The following ENOX1 variants were observed in gnomAD, a reference collection of about 807,000 sequenced individuals.
The protein encoded by ENOX1 is candidate growth-related and time keeping constitutive hydroquinone (NADH) oxidase.
A neutral mutation model predicts 82.5 loss-of-function variants in ENOX1; 42 were observed. The observed-to-expected ratio is 0.51, with a 90% CI of 0.40 to 0.66. ENOX1 has a LOEUF of 0.66. Ranked by LOEUF, ENOX1 falls within the 30% of genes least tolerant of loss-of-function variation. The pLI is 0.00. For missense variants in ENOX1, 608 were observed against 811.6 expected, an observed-to-expected ratio of 0.75 and a Z score of 3.05; for synonymous variants, 271 against 282.2, an observed-to-expected ratio of 0.96 and a Z score of 0.40.
At chr13:43,217,196 G>A (rs955857670) in intron 16 of ENOX1, among the ~76,000 whole-genome samples, 4 of 152,178 alleles carry the variant, frequency 2.6e-5, no homozygotes, top group African/African-American at 9.7e-5. Flanking sequence ...GGCCCTGGGT[G>A]GGTGTGGATG....
intron 9 of ENOX1, among the ~76,000 whole-genome samples, chr13:43,328,232 A>C (rs2048226396): frequency 6.6e-6 from 1 of 152,206 alleles, no homozygotes; most frequent in South Asian, 2.1e-4. Flanking sequence ...AACCTGTTCC[A>C]GTGGATCACC....
At chr13:43,561,291 C>G (rs4942239) in intron 2 of ENOX1, among the ~76,000 whole-genome samples, 72,718 of 151,938 alleles carry the variant, frequency 0.48, 18,909 homozygotes, top group Non-Finnish European at 0.6. Flanking sequence ...GCACAGCCGA[C>G]AAAGCTCCCT....
At position 43,222,380 on chromosome 13, in the gene ENOX1, TACAC is replaced by T. The variant is rs35476412; in HGVS notation, c.1800+1669_1800+1672del. Among the ~76,000 whole-genome samples the T allele has an allele frequency of 3.5e-3, 516 of 149,176 alleles. 2 individuals carry two copies. Among genetic ancestry groups the T allele is most frequent in the African/African-American group, 0.012 (478 of 40,660 alleles). Reference sequence around the variant, plus strand: ...CCTGCCCATTCCCAGGAGATGATTTTACACACACACACACACACACACACGCAGG... The same window carrying T: ...CCTGCCCATTCCCAGGAGATGATTTTACACACACACACACACACACGCAGG... On this transcript the variant is annotated intron_variant, in intron 16 of 16. Coordinates refer to ENST00000690772, the MANE Select transcript of ENOX1 (RefSeq NM_001347969.2).
At chr13:43,354,470 T>C (rs1247450993) in intron 8 of ENOX1, among the ~76,000 whole-genome samples, 3 of 110,758 alleles carry the variant, frequency 2.7e-5, no homozygotes, top group Non-Finnish European at 5.1e-5. Flanking sequence ...CGCTGCCACC[T>C]TTTTTTTTTT....
chr13:43,729,212 T>C (rs529128889), intron 1 of ENOX1, among the ~76,000 whole-genome samples: 2 of 152,332 alleles, frequency 1.3e-5, no homozygotes, highest in Non-Finnish European at 2.9e-5. Flanking sequence ...ACTCTGGATG[T>C]AATTATATAT....
At chr13:43,705,797 A>G (rs2087240896) in intron 1 of ENOX1, among the ~76,000 whole-genome samples, 2 of 152,150 alleles carry the variant, frequency 1.3e-5, no homozygotes, top group Non-Finnish European at 2.9e-5. Context: ...AGATTTGAAC[A>G]TTATCAGTGA....
chr13:43,562,944 C>T (rs2079748149), intron 2 of ENOX1, among the ~76,000 whole-genome samples: 1 of 152,104 alleles, frequency 6.6e-6, no homozygotes. Context: ...TCACTGGAGA[C>T]TTCAACACCC....
intron 1 of ENOX1, among the ~76,000 whole-genome samples, chr13:43,712,424 T>C (rs1251698006): frequency 4.6e-5 from 7 of 152,156 alleles, no homozygotes; most frequent in Non-Finnish European, 1.0e-4. Flanking sequence ...TGGTTCCATA[T>C]GAACTTTAGT....
intron 3 of ENOX1, among the ~76,000 whole-genome samples, chr13:43,436,687 T>A (rs1226869665): frequency 6.6e-6 from 1 of 152,170 alleles, no homozygotes; most frequent in Non-Finnish European, 1.5e-5. Flanking sequence ...AGCTTGGAGT[T>A]CATAATATTA....
At chr13:43,430,739 C>A (rs2055605755) in intron 3 of ENOX1, among the ~76,000 whole-genome samples, 1 of 152,186 alleles carries the variant, frequency 6.6e-6, no homozygotes, top group Non-Finnish European at 1.5e-5. Flanking sequence ...AAAAACACTA[C>A]AATTTAATAG....
intron 11 of ENOX1, among the ~76,000 whole-genome samples, chr13:43,313,545 A>G (rs2047325606): frequency 6.6e-6 from 1 of 152,152 alleles, no homozygotes; most frequent in African/African-American, 2.4e-5. Flanking sequence ...TGTAGTTTTA[A>G]TTATTTAAAT....
chr13:43,646,475 T>C lies in ENOX1; in HGVS notation c.-219+21004A>G, dbSNP rs189288488. ...AGGAATACCATCTTCATACATGAAA[T>C]TCTTGGGACTGCCTGACGACTCTGC... On this transcript the variant is annotated intron_variant, in intron 2 of 16. Coordinates refer to ENST00000690772, the MANE Select transcript of ENOX1 (RefSeq NM_001347969.2). Among the ~76,000 whole-genome samples, 16 of 152,320 alleles carry C rather than the reference T, an allele frequency of 1.1e-4. No homozygotes were observed. In the East Asian group the frequency reaches 2.5e-3, roughly 24 times the overall value.
intron 3 of ENOX1, among the ~76,000 whole-genome samples, chr13:43,428,916 T>C (rs1486495880): frequency 6.6e-6 from 1 of 152,220 alleles, no homozygotes; most frequent in African/African-American, 2.4e-5. Flanking sequence ...TGAGGATCTA[T>C]GTCAGTTATC....
intron 1 of ENOX1, among the ~76,000 whole-genome samples, chr13:43,779,229 G>GA (rs973741125): frequency 6.7e-6 from 1 of 149,448 alleles, no homozygotes; most frequent in Non-Finnish European, 1.5e-5. Context: ...ATCTTACGTT[G>GA]AAGAAGCCAA....
chr13:43,643,208 G>A (rs573147167), intron 2 of ENOX1, among the ~76,000 whole-genome samples: 1 of 152,290 alleles, frequency 6.6e-6, no homozygotes, highest in African/African-American at 2.4e-5. Context: ...TACATTGGAT[G>A]CCAAGGACCG....
At chr13:43,413,702 T>C (rs1421083412) in intron 3 of ENOX1, among the ~76,000 whole-genome samples, 1 of 144,130 alleles carries the variant, frequency 6.9e-6, no homozygotes, top group African/African-American at 2.5e-5. Context: ...TATATATTTT[T>C]ATATATTTAT....
chr13:43,651,112 G>A (rs555693270), intron 2 of ENOX1, among the ~76,000 whole-genome samples: 73 of 152,204 alleles, frequency 4.8e-4, no homozygotes, highest in Admixed American at 2.8e-3. Flanking sequence ...ACAGCACATG[G>A]GACCTCTGTG....
intron 12 of ENOX1, among the ~76,000 whole-genome samples, chr13:43,276,646 G>A (rs777973351): frequency 6.6e-6 from 1 of 152,196 alleles, no homozygotes; most frequent in Non-Finnish European, 1.5e-5. Flanking sequence ...TGAATCCTGA[G>A]CTAATCCCTG....
At chr13:43,519,135 A>C (rs2077665769) in intron 2 of ENOX1, among the ~76,000 whole-genome samples, 1 of 152,188 alleles carries the variant, frequency 6.6e-6, no homozygotes, top group African/African-American at 2.4e-5. Context: ...TAACCATACA[A>C]GTCCATTTAG....
Sources: allele counts gnomAD v4.1 joint callset (sites outside exome capture counted in the v4.1 genomes callset), GRCh38; gene constraint gnomAD v4.1.1; transcripts MANE v1.5; gene names NCBI Gene and HGNC (gene_info 2026-07-23, HGNC 2026-07-21).